Variants in AGBL1 observed in about 807,000 individuals in gnomAD.
AGBL1 encodes AGBL carboxypeptidase 1.
Under a neutral mutation model 118.9 loss-of-function variants are expected in AGBL1, and 130 were observed. That is an observed-to-expected ratio of 1.09 (90% confidence interval 0.95 to 1.26). The LOEUF (loss-of-function observed/expected upper bound fraction) is 1.26, where lower values mean the gene tolerates loss of function less well. AGBL1 is among the 50% of genes most tolerant of loss of function. AGBL1 has a pLI of 0.00. For missense variants in AGBL1, 1,584 were observed against 1,298.1 expected, an observed-to-expected ratio of 1.22 and a Z score of -3.38; for synonymous variants, 555 against 478.9, an observed-to-expected ratio of 1.16 and a Z score of -2.08.
intron 5 of AGBL1, among the ~76,000 whole-genome samples, chr15:86,202,840 C>T (rs2077929177): frequency 6.6e-6 from 1 of 152,162 alleles, no homozygotes. Context: ...CTAAGTGCTT[C>T]TAGAGTTATC....
At chr15:86,938,087 A>G (rs1425550598) in intron 23 of AGBL1, among the ~76,000 whole-genome samples, 1 of 152,198 alleles carries the variant, frequency 6.6e-6, no homozygotes, top group Non-Finnish European at 1.5e-5. Context: ...GGGTGCAGCA[A>G]CATATCCATT....
chr15:86,950,337 A>T (rs557102793), intron 23 of AGBL1, among the ~76,000 whole-genome samples: 1 of 151,544 alleles, frequency 6.6e-6, no homozygotes, highest in African/African-American at 2.4e-5. Flanking sequence ...AATAATATAA[A>T]TAAAATCAAA....
At chr15:86,941,301 G>A (rs985277872) in intron 23 of AGBL1, among the ~76,000 whole-genome samples, 1 of 152,180 alleles carries the variant, frequency 6.6e-6, no homozygotes, top group African/African-American at 2.4e-5. Flanking sequence ...CTGTCAGGAC[G>A]TTGTAATTTC....
intron 21 of AGBL1, among the ~76,000 whole-genome samples, chr15:86,601,909 C>T (rs538659714): frequency 4.6e-5 from 7 of 152,158 alleles, no homozygotes; most frequent in African/African-American, 1.7e-4. Context: ...TGTTTGAGGC[C>T]AGATCCCAGG....
chr15:86,546,906 T>C (rs78973315), intron 20 of AGBL1, among the ~76,000 whole-genome samples: 4,759 of 152,240 alleles, frequency 0.031, 129 homozygotes, highest in East Asian at 0.13. Context: ...AAAATTATGA[T>C]GGTGTCTGCC....
chr15:86,295,502 A>C (rs763734407), intron 17 of AGBL1, 94 bp downstream of exon 17: 13 of 1,348,110 alleles, frequency 9.6e-6, no homozygotes, highest in Non-Finnish European at 1.3e-5. Flanking sequence ...CAAAAGCTCC[A>C]TAAAGGGTTG....
intron 21 of AGBL1, among the ~76,000 whole-genome samples, chr15:86,598,171 A>T (rs549856525): frequency 6.6e-6 from 1 of 152,156 alleles, no homozygotes; most frequent in African/African-American, 2.4e-5. Flanking sequence ...GATTGTCACC[A>T]TAGTCAACTG....
At chr15:86,169,025 G>A (rs548393922) in intron 5 of AGBL1, among the ~76,000 whole-genome samples, 1 of 152,260 alleles carries the variant, frequency 6.6e-6, no homozygotes, top group South Asian at 2.1e-4. Flanking sequence ...GGCAACGAAG[G>A]GCAGTGATTC....
intron 23 of AGBL1, among the ~76,000 whole-genome samples, chr15:86,945,180 G>A (rs1178323639): frequency 6.7e-6 from 1 of 148,324 alleles, no homozygotes; most frequent in African/African-American, 2.5e-5. Flanking sequence ...GGAGTTCGAG[G>A]TTGCAGTGAG....
intron 21 of AGBL1, among the ~76,000 whole-genome samples, chr15:86,604,389 C>A (rs1408804164): frequency 6.6e-6 from 1 of 152,098 alleles, no homozygotes; most frequent in Admixed American, 6.6e-5. Context: ...TCAAAGAAAG[C>A]TAAATTTTCA....
chr15:86,083,099 C>T (rs776390701), intron 1 of AGBL1, among the ~76,000 whole-genome samples: 5 of 152,136 alleles, frequency 3.3e-5, no homozygotes, highest in African/African-American at 4.8e-5. Context: ...TTATGATTTC[C>T]CTCGTTGAGT....
intron 22 of AGBL1, among the ~76,000 whole-genome samples, chr15:86,701,751 A>C (rs1225769415): frequency 5.8e-4 from 55 of 94,724 alleles, no homozygotes; most frequent in East Asian, 9.7e-4. Flanking sequence ...CCTTCCTTTC[A>C]CTCCTTTCCC....
chr15:86,586,164 C>G (rs1462132125), intron 21 of AGBL1, among the ~76,000 whole-genome samples: 1 of 152,154 alleles, frequency 6.6e-6, no homozygotes, highest in Non-Finnish European at 1.5e-5. Context: ...AATAAATCCC[C>G]CTCTCTCTTG....
intron 21 of AGBL1, among the ~76,000 whole-genome samples, chr15:86,628,079 T>G (rs919656833): frequency 1.3e-5 from 2 of 152,322 alleles, no homozygotes; most frequent in South Asian, 2.1e-4. Flanking sequence ...CAAATAGTTC[T>G]GGGGAGAAGG....
At chr15:86,839,841 C>A (rs1248732407) in intron 22 of AGBL1, among the ~76,000 whole-genome samples, 1 of 152,190 alleles carries the variant, frequency 6.6e-6, no homozygotes, top group African/African-American at 2.4e-5. Flanking sequence ...AGCTTCATAT[C>A]ATTTAACTCC....
At chr15:86,341,896 T>G (rs2080467244) in intron 17 of AGBL1, among the ~76,000 whole-genome samples, 1 of 152,156 alleles carries the variant, frequency 6.6e-6, no homozygotes, top group Non-Finnish European at 1.5e-5. Flanking sequence ...TAGAATTTAC[T>G]GTAAAATTTA....
intron 21 of AGBL1, among the ~76,000 whole-genome samples, chr15:86,627,411 G>C (rs2084904688): frequency 6.6e-6 from 1 of 152,160 alleles, no homozygotes; most frequent in South Asian, 2.1e-4. Flanking sequence ...ATAATCTGGT[G>C]GCAGAGGTGA....
At chr15:86,545,237 G>A (rs1177440828) in intron 19 of AGBL1, among the ~76,000 whole-genome samples, 2 of 152,186 alleles carry the variant, frequency 1.3e-5, no homozygotes, top group African/African-American at 2.4e-5. Flanking sequence ...CCGATCTCTA[G>A]TATGAATGAA....
intron 5 of AGBL1, among the ~76,000 whole-genome samples, chr15:86,214,512 G>A (rs2078153325): frequency 1.3e-5 from 2 of 152,298 alleles, no homozygotes; most frequent in South Asian, 4.1e-4. Flanking sequence ...AATTGTTTAA[G>A]GAAGTTAAAT....
Sources: gnomAD v4.1 joint callset for allele counts (sites outside exome capture counted in the v4.1 genomes callset) on GRCh38, gnomAD v4.1.1 for gene constraint, MANE v1.5 for transcripts, NCBI Gene and HGNC (gene_info 2026-07-23, HGNC 2026-07-21) for gene names.